XPO1: variants seen among roughly 807,000 people sequenced by gnomAD.
XPO1 encodes the protein exportin 1, also known as exportin-1.
Under a neutral mutation model 133.3 loss-of-function variants are expected in XPO1, and 5 were observed. The observed-to-expected ratio is 0.04, with a 90% CI of 0.02 to 0.08. XPO1 has a LOEUF of 0.08. Among genes scored for constraint, XPO1 ranks in the 10% least tolerant of loss-of-function variants. The pLI is 1.00. For missense variants in XPO1, 506 were observed against 1,267.5 expected, an observed-to-expected ratio of 0.40 and a Z score of 9.12; for synonymous variants, 419 against 408.2, an observed-to-expected ratio of 1.03 and a Z score of -0.32.
intron 1 of XPO1, chr2:61,536,452 A>G (rs1431838913): frequency 1.3e-5 from 2 of 152,280 alleles, no homozygotes; most frequent in East Asian, 3.8e-4. Context: ...ATCCAGCTTA[A>G]TGGATAATGT....
At chr2:61,537,276 C>A (rs1484610365) in intron 1 of XPO1, among the ~76,000 whole-genome samples, 1 of 151,774 alleles carries the variant, frequency 6.6e-6, no homozygotes, top group Non-Finnish European at 1.5e-5. Context: ...CGCGGGGCCC[C>A]GCTTCACTAT....
chr2:61,489,748 G>A (rs1406550261), intron 17 of XPO1, among the ~76,000 whole-genome samples: 1 of 151,734 alleles, frequency 6.6e-6, no homozygotes, highest in Non-Finnish European at 1.5e-5. Context: ...TAGAGACAGG[G>A]TTTCACTGCG....
chr2:61,500,405 C>G (rs1041169915), intron 6 of XPO1, among the ~76,000 whole-genome samples: 3 of 151,692 alleles, frequency 2.0e-5, no homozygotes, highest in Admixed American at 6.6e-5. Context: ...ATGGTGAAAC[C>G]CTGTCTCTAC....
Position 61,480,821 on chromosome 2 carries a change from A to C in XPO1, c.3069+364T>G, listed in dbSNP as rs116617766. ...TAAAGCACTGTATAACAGCAGAAGAAAGACATTCTATCTAGTAACTTTCAC... is the reference window on the plus strand; with the variant it reads ...TAAAGCACTGTATAACAGCAGAAGACAGACATTCTATCTAGTAACTTTCAC... On this transcript the variant is annotated intron_variant, in intron 24 of 24. Transcript: ENST00000401558. Among the ~76,000 whole-genome samples, 733 of 152,214 alleles carry C rather than the reference A, an allele frequency of 4.8e-3. 5 individuals carry two copies. The highest frequency in any genetic ancestry group is 0.017 in the African/African-American group (697 of 41,540).
chr2:61,532,122 T>C (rs571520231), intron 2 of XPO1, among the ~76,000 whole-genome samples: 89 of 152,150 alleles, frequency 5.8e-4, no homozygotes, highest in Admixed American at 1.8e-3. Context: ...TTTTATTTTA[T>C]TTTATTTATT....
intron 20 of XPO1, chr2:61,485,359 C>CT: frequency 6.4e-6 from 1 of 156,304 alleles, no homozygotes; most frequent in East Asian, 1.9e-4. Context: ...ATGCTAAAAT[C>CT]TGTTTTCCAT....
At chr2:61,483,142 A>G (rs1303066643) in intron 21 of XPO1, 51 bp from the exon 22 acceptor site, 6 of 1,570,338 alleles carry the variant, frequency 3.8e-6, no homozygotes, top group Non-Finnish European at 4.3e-6. Flanking sequence ...GACAGCACTC[A>G]TGATAGTATT....
At chr2:61,482,653 T>C (rs1231968985) in intron 22 of XPO1, 114 bp from the exon 23 acceptor site, 95 of 1,016,710 alleles carry the variant, frequency 9.3e-5, no homozygotes, top group Non-Finnish European at 1.3e-4. Context: ...TCACCCAAGC[T>C]GGAATGCCGT....
At chr2:61,531,098 G>A (rs1485715521) in intron 2 of XPO1, among the ~76,000 whole-genome samples, 2 of 152,134 alleles carry the variant, frequency 1.3e-5, no homozygotes, top group Admixed American at 6.5e-5. Flanking sequence ...ATAGCAGCTC[G>A]CTGCTACTAC....
At chr2:61,520,157 A>T (rs752367735) in intron 4 of XPO1, among the ~76,000 whole-genome samples, 6 of 152,218 alleles carry the variant, frequency 3.9e-5, no homozygotes, top group Non-Finnish European at 7.3e-5. Context: ...GGGTATAGCT[A>T]CAGCAAAAAG....
At chr2:61,506,345 C>T (rs1395883936) in intron 4 of XPO1, among the ~76,000 whole-genome samples, 1 of 152,306 alleles carries the variant, frequency 6.6e-6, no homozygotes, top group South Asian at 2.1e-4. Flanking sequence ...ATCATTTGAA[C>T]CCAGGAAATG....
intron 21 of XPO1, 198 bp from the exon 22 acceptor site, chr2:61,483,289 A>G (rs1696493733): frequency 1.9e-6 from 1 of 532,610 alleles, no homozygotes; most frequent in East Asian, 3.4e-5. Context: ...CTTATAAATT[A>G]TAATAAGTTG....
At chr2:61,490,811 T>TA (rs1477253288) in intron 16 of XPO1, 35 bp from the exon 17 acceptor site, 5 of 1,601,332 alleles carry the variant, frequency 3.1e-6, no homozygotes, top group Non-Finnish European at 4.3e-6. Context: ...ACGTTTATGT[T>TA]ATACACCCTA....
chr2:61,478,947 G>A lies in XPO1; in HGVS notation c.3089C>T (p.Thr1030Ile), dbSNP rs1247931252. ...VQIKEFAGED[T>I]SDLFLEEREI... The stretch of plus-strand genomic sequence containing the variant: ...TCTCTCTTCCAAAAACAAATCAGAA[G>A]TGTCTTCACCTGCAAATTCCTGTGA... Residue 1030 changes from threonine to isoleucine, a missense_variant, in exon 25 of 25, where the codon ACT becomes ATT. Physicochemically the swap from Thr to Ile is moderately conservative, Grantham distance 89. Around this residue, in one of 6 missense-constraint regions of XPO1, gnomAD observed 203 missense variants for 365.9 expected, o/e 0.55. Coordinates refer to ENST00000401558, the MANE Select transcript of XPO1 (RefSeq NM_003400.4). 3 of 1,613,596 alleles carry A rather than the reference G, an allele frequency of 1.9e-6. No individual in the cohort carries two copies. Among genetic ancestry groups the A allele is most frequent in the Non-Finnish European group, 2.5e-6 (3 of 1,179,850 alleles).
At chr2:61,489,542 T>C (rs4619595) in intron 17 of XPO1, among the ~76,000 whole-genome samples, 12,187 of 151,976 alleles carry the variant, frequency 0.08, 658 homozygotes, top group Non-Finnish European at 0.12. Context: ...TACTTAAGAA[T>C]GAAGTAATAT....
intron 4 of XPO1, among the ~76,000 whole-genome samples, chr2:61,513,035 A>G (rs1471242949): frequency 6.6e-6 from 1 of 152,146 alleles, no homozygotes; most frequent in Non-Finnish European, 1.5e-5. Context: ...ACCTCACCTC[A>G]TATACAAAAA....
intron 23 of XPO1, 79 bp downstream of exon 23, chr2:61,482,301 T>C: frequency 7.3e-7 from 1 of 1,363,472 alleles, no homozygotes; most frequent in Admixed American, 2.5e-5. Flanking sequence ...ACCTTAGGCT[T>C]CCCAAAGTGC....
In XPO1 at chr2:61,537,810, A is replaced by AT; in HGVS notation, c.-256dup. 1 of 150,876 alleles carries AT rather than the reference A, an allele frequency of 6.6e-6. No homozygotes were observed. Among genetic ancestry groups the AT allele is most frequent in the East Asian group, 2.0e-4 (1 of 4,988 alleles). 9.3% of individuals were successfully genotyped at this position (150,876 alleles called of 1,614,324 possible). A position where few individuals can be genotyped will look rare whatever the true frequency, so the allele number is the denominator to read the frequency against. On this transcript the variant is annotated 5_prime_UTR_variant, in exon 1 of 25. Coordinates refer to ENST00000401558, the MANE Select transcript of XPO1 (RefSeq NM_003400.4). ...CCGCCCCCCCCCAAAAGGGGAATTA[A>AT]TCTGGGGAATAAATGCTCCCGCCCG...
chr2:61,529,233 A>G (rs1024422913), intron 2 of XPO1, among the ~76,000 whole-genome samples: 8 of 152,224 alleles, frequency 5.3e-5, no homozygotes, highest in African/African-American at 1.9e-4. Flanking sequence ...ACTTTACTTT[A>G]TCATGGGTTT....
Sources: gnomAD v4.1 joint callset for allele counts (sites outside exome capture counted in the v4.1 genomes callset) on GRCh38, gnomAD v4.1.1 for gene constraint, gnomAD v4.1.1 regional missense constraint, MANE v1.5 for transcripts, NCBI Gene and HGNC (gene_info 2026-07-23, HGNC 2026-07-21) for gene names.